The following ZDHHC21 variants were observed in gnomAD, a reference collection of about 807,000 sequenced individuals.
ZDHHC21 encodes the protein palmitoyltransferase ZDHHC21.
ZDHHC21 carries 15 observed loss-of-function variants against 34.6 expected under a neutral mutation model. The ratio of observed to expected loss-of-function variants is 0.43; its 90% CI spans 0.29 to 0.67. The LOEUF (loss-of-function observed/expected upper bound fraction) is 0.67. Ranked by LOEUF, ZDHHC21 falls within the 30% of genes least tolerant of loss-of-function variation. The probability of loss-of-function intolerance (pLI) is 0.14; values close to 1 mark genes in which losing one functional copy is unlikely to be tolerated. For missense variants in ZDHHC21, 344 were observed against 327.7 expected, an observed-to-expected ratio of 1.05 and a Z score of -0.38; for synonymous variants, 142 against 101.8, an observed-to-expected ratio of 1.40 and a Z score of -2.38.
Position 14,613,914 on chromosome 9 carries a change from C to T in ZDHHC21, c.*5052G>A, listed in dbSNP as rs1161308956. 1 of 151,688 alleles carries T rather than the reference C, an allele frequency of 6.6e-6. No individual in the cohort carries two copies. The highest frequency in any genetic ancestry group is 1.5e-5 in the Non-Finnish European group (1 of 67,730). The allele number at this position is 151,688 out of a possible 1,614,324, so 9.4% of individuals were successfully genotyped here. A position where few individuals can be genotyped will look rare whatever the true frequency, so the allele number is the denominator to read the frequency against. ...CATTATTTTTAACACTTCACATGAT[C>T]ATACTCTACACAATTATATTTAAAA... On this transcript the variant is annotated 3_prime_UTR_variant, in exon 10 of 10. Coordinates refer to ENST00000380916, the MANE Select transcript of ZDHHC21 (RefSeq NM_178566.6).
At chr9:14,670,973 A>T (rs1256980634) in intron 5 of ZDHHC21, among the ~76,000 whole-genome samples, 4 of 152,116 alleles carry the variant, frequency 2.6e-5, no homozygotes, top group African/African-American at 9.7e-5. Context: ...TCTGATGTCT[A>T]GTGATTTTTG....
At chr9:14,677,297 C>T (rs1836594057) in intron 3 of ZDHHC21, 1 of 151,622 alleles carries the variant, frequency 6.6e-6, no homozygotes, top group Non-Finnish European at 1.5e-5. Flanking sequence ...TTTTTTAATA[C>T]CTGATTGGTA....
intron 8 of ZDHHC21, among the ~76,000 whole-genome samples, chr9:14,628,885 T>A (rs1321036698): frequency 6.6e-6 from 1 of 152,160 alleles, no homozygotes; most frequent in Non-Finnish European, 1.5e-5. Context: ...CATTAGACTT[T>A]TAAATAATCA....
At chr9:14,599,562 T>C in the ZDHHC21 span, among the ~76,000 whole-genome samples, 2 of 152,022 alleles carry the variant, frequency 1.3e-5, no homozygotes, top group Non-Finnish European at 2.9e-5. Context: ...GTTTTTTTTT[T>C]TTCCCATACC....
chr9:14,672,648 G>A, intron 5 of ZDHHC21, among the ~76,000 whole-genome samples, 182 bp downstream of exon 5: 1 of 152,038 alleles, frequency 6.6e-6, no homozygotes, highest in South Asian at 2.1e-4. Flanking sequence ...GAAACTGCCG[G>A]GGTGCAGGGG....
chr9:14,679,970 C>T (rs1837087151), intron 3 of ZDHHC21, 63 bp downstream of exon 3: 1 of 152,430 alleles, frequency 6.6e-6, no homozygotes, highest in African/African-American at 2.4e-5. Flanking sequence ...GCATAAGACT[C>T]CAAGGATACT....
chr9:14,680,876 T>C (rs148918143), intron 2 of ZDHHC21, among the ~76,000 whole-genome samples: 14 of 152,284 alleles, frequency 9.2e-5, no homozygotes, highest in South Asian at 2.1e-4. Flanking sequence ...TACTGGTTCA[T>C]AGGTTGTGTT....
At chr9:14,625,774 G>C (rs920136437) in intron 8 of ZDHHC21, among the ~76,000 whole-genome samples, 1 of 151,538 alleles carries the variant, frequency 6.6e-6, no homozygotes, top group African/African-American at 2.4e-5. Context: ...GACTACAAGA[G>C]ACTACACATA....
chr9:14,662,187 T>C, intron 6 of ZDHHC21, 28 bp downstream of exon 6: 1 of 1,533,304 alleles, frequency 6.5e-7, no homozygotes, highest in Non-Finnish European at 8.9e-7. Context: ...CACCCCTCTT[T>C]TCTTTGCTAG....
At chr9:14,645,567 C>A (rs1225265569) in intron 7 of ZDHHC21, among the ~76,000 whole-genome samples, 1 of 151,850 alleles carries the variant, frequency 6.6e-6, no homozygotes, top group Non-Finnish European at 1.5e-5. Context: ...ACCCAAAAAA[C>A]ACTACTCAAA....
At chr9:14,642,976 C>T (rs948061076) in intron 7 of ZDHHC21, among the ~76,000 whole-genome samples, 9 of 152,132 alleles carry the variant, frequency 5.9e-5, no homozygotes, top group Non-Finnish European at 1.3e-4. Flanking sequence ...CGGTGGCTCA[C>T]GCCTGTAATC....
the ZDHHC21 span, among the ~76,000 whole-genome samples, chr9:14,598,450 A>C: frequency 1.3e-5 from 2 of 152,338 alleles, no homozygotes; most frequent in Admixed American, 1.3e-4. Flanking sequence ...CTATAGGAAA[A>C]AGTATTTCCC....
At chr9:14,679,581 T>G (rs1161359462) in intron 3 of ZDHHC21, among the ~76,000 whole-genome samples, 1 of 152,136 alleles carries the variant, frequency 6.6e-6, no homozygotes, top group African/African-American at 2.4e-5. Context: ...TTCAAATATT[T>G]ATGTGTTCTT....
intron 7 of ZDHHC21, among the ~76,000 whole-genome samples, chr9:14,644,837 C>T (rs73644817): frequency 9.6e-4 from 144 of 150,350 alleles, no homozygotes; most frequent in African/African-American, 3.0e-3. Context: ...CACACACACA[C>T]ATATATATAT....
Position 14,663,493 on chromosome 9 carries a change from ATT to A in ZDHHC21, c.254-1169_254-1168del, listed in dbSNP as rs35050957. ...TTTTCTTTTTTTTTTCAGATTACAG[ATT>A]TTTTTTTTTTTTTACCAATATTGAT... On this transcript the variant is annotated intron_variant, in intron 5 of 9. Transcript: ENST00000380916. Among the ~76,000 whole-genome samples the A allele has an allele frequency of 2.1e-3, 293 of 136,692 alleles. 1 individual carries two copies. The highest frequency in any genetic ancestry group is 0.016 in the South Asian group (67 of 4,254). The allele number at this position is 136,692 out of a possible 152,430, so 89.7% of individuals were successfully genotyped here.
chr9:14,661,791 A>C (rs1264835314), intron 6 of ZDHHC21, among the ~76,000 whole-genome samples: 2 of 152,244 alleles, frequency 1.3e-5, no homozygotes, highest in Non-Finnish European at 2.9e-5. Flanking sequence ...GGAAGAGGTT[A>C]TCAGGGTGTC....
At chr9:14,691,830 C>G (rs1438152546) in intron 1 of ZDHHC21, among the ~76,000 whole-genome samples, 5 of 152,170 alleles carry the variant, frequency 3.3e-5, no homozygotes, top group African/African-American at 9.7e-5. Context: ...TTTACTAATA[C>G]TTCGTATATG....
chr9:14,655,566 G>C (rs956041549), intron 7 of ZDHHC21, among the ~76,000 whole-genome samples: 4 of 151,626 alleles, frequency 2.6e-5, no homozygotes, highest in Non-Finnish European at 4.4e-5. Flanking sequence ...TGATGACAGA[G>C]GGTGTTCCAA....
At chr9:14,597,817 A>G in the ZDHHC21 span, among the ~76,000 whole-genome samples, 6 of 152,198 alleles carry the variant, frequency 3.9e-5, no homozygotes, top group East Asian at 1.2e-3. Context: ...ACCTGTGCCT[A>G]CCTTCTGGGG....
Sources: allele counts gnomAD v4.1 joint callset (sites outside exome capture counted in the v4.1 genomes callset), GRCh38; gene constraint gnomAD v4.1.1; transcripts MANE v1.5; gene names NCBI Gene and HGNC (gene_info 2026-07-23, HGNC 2026-07-21).